NNT: variants seen among roughly 807,000 people sequenced by gnomAD.
The protein encoded by NNT is nicotinamide nucleotide transhydrogenase.
NNT carries 50 observed loss-of-function variants against 104.8 expected under a neutral mutation model. That is an observed-to-expected ratio of 0.48 (90% CI 0.38 to 0.60). NNT has a LOEUF of 0.60. Ranked by LOEUF, NNT falls within the 20% of genes least tolerant of loss-of-function variation. The pLI is 0.00. For missense variants in NNT, 1,131 were observed against 1,330.7 expected (o/e 0.85, Z 2.33); for synonymous variants, 461 against 490.4 (o/e 0.94, Z 0.79).
At chr5:43,695,736 C>G (rs1742523823) in intron 19 of NNT, among the ~76,000 whole-genome samples, 1 of 152,174 alleles carries the variant, frequency 6.6e-6, no homozygotes, top group Non-Finnish European at 1.5e-5. Flanking sequence ...AATGGACTTG[C>G]AGCTCCACAT....
Position 43,656,680 on chromosome 5 carries a change from T to C in NNT, c.2321T>C (p.Leu774Pro). 6.2e-7 allele frequency: 1 copy of C among 1,613,622 alleles called. No homozygotes were observed. The highest frequency in any genetic ancestry group is 8.5e-7 in the Non-Finnish European group (1 of 1,179,890). ...CTCCTGAAATCTGCCCCTCTCCTACTGCCTGGAAGGCACTTACTCAATGCA... is the reference window on the plus strand; with the variant it reads ...CTCCTGAAATCTGCCCCTCTCCTACCGCCTGGAAGGCACTTACTCAATGCA... Reference protein sequence around the residue: ...QGLLKSAPLLLPGRHLLNAGL... With the variant: ...QGLLKSAPLLPPGRHLLNAGL... Residue 774 changes from leucine to proline, a missense_variant, in exon 16 of 22, where the codon CTG (leucine) becomes CCG (proline). Coordinates refer to ENST00000344920, the MANE Select transcript of NNT (RefSeq NM_182977.3).
intron 19 of NNT, among the ~76,000 whole-genome samples, chr5:43,693,278 A>G (rs1309577811): frequency 6.6e-6 from 1 of 152,194 alleles, no homozygotes; most frequent in African/African-American, 2.4e-5. Context: ...TTTCAATATA[A>G]TGCATTTTCT....
At chr5:43,645,647 CTATCTA>C (rs1266352064) in intron 10 of NNT, 137 bp downstream of exon 10, 123 of 117,072 alleles carry the variant, frequency 1.1e-3, no homozygotes, top group African/African-American at 4.8e-3. Context: ...ACACATCTAT[CTATCTA>C]TCTCTCTCTC....
intron 7 of NNT, among the ~76,000 whole-genome samples, chr5:43,641,963 A>G (rs1290590074): frequency 2.0e-5 from 3 of 152,198 alleles, no homozygotes; most frequent in Non-Finnish European, 2.9e-5. Context: ...TGATGTTTCT[A>G]GGGAGCCTAA....
At chr5:43,610,175 C>G (rs1036295380) in intron 2 of NNT, among the ~76,000 whole-genome samples, 7 of 150,172 alleles carry the variant, frequency 4.7e-5, no homozygotes, top group Non-Finnish European at 7.4e-5. Context: ...AAAAAGGGGC[C>G]CTTCTAAACC....
chr5:43,643,403 T>G (rs940473015), intron 7 of NNT, among the ~76,000 whole-genome samples: 5 of 152,234 alleles, frequency 3.3e-5, no homozygotes, highest in African/African-American at 1.2e-4. Flanking sequence ...TATGTAAGAA[T>G]TAGTGAACTT....
intron 7 of NNT, among the ~76,000 whole-genome samples, chr5:43,631,505 A>G (rs1350865492): frequency 6.6e-6 from 1 of 152,162 alleles, no homozygotes; most frequent in East Asian, 1.9e-4. Flanking sequence ...ATTAGATGTA[A>G]CAAGTGGCCA....
chr5:43,692,184 A>T (rs938020085), intron 19 of NNT, among the ~76,000 whole-genome samples: 3 of 147,856 alleles, frequency 2.0e-5, no homozygotes, highest in African/African-American at 5.3e-5. Flanking sequence ...TAAAGCATTA[A>T]AAGTTTTAAT....
chr5:43,651,197 G>T (rs1451711647), intron 12 of NNT, among the ~76,000 whole-genome samples: 2 of 151,810 alleles, frequency 1.3e-5, no homozygotes, highest in African/African-American at 2.4e-5. Flanking sequence ...AAATAGTTTT[G>T]CATTCTGATA....
chr5:43,664,349 T>G (rs1354934820), intron 17 of NNT, among the ~76,000 whole-genome samples: 1 of 152,254 alleles, frequency 6.6e-6, no homozygotes, highest in African/African-American at 2.4e-5. Context: ...TTTTGCACTT[T>G]GCTGCTTGGT....
At chr5:43,697,038 C>CT (rs1742593521) in intron 19 of NNT, among the ~76,000 whole-genome samples, 1 of 152,216 alleles carries the variant, frequency 6.6e-6, no homozygotes, top group South Asian at 2.1e-4. Context: ...ATGTAAGTTT[C>CT]TGTAGCTGGC....
intron 19 of NNT, among the ~76,000 whole-genome samples, chr5:43,682,579 AT>A (rs1378561148): frequency 3.9e-5 from 6 of 152,196 alleles, no homozygotes; most frequent in African/African-American, 9.6e-5. Context: ...TGGATTTGTT[AT>A]GTTTTTGGGT....
At chr5:43,630,244 C>G (rs1750608137) in intron 7 of NNT, among the ~76,000 whole-genome samples, 1 of 152,112 alleles carries the variant, frequency 6.6e-6, no homozygotes. Context: ...ATATTATATT[C>G]ATAAGCAGGT....
chr5:43,653,582 A>AG (rs1374135679), intron 14 of NNT: 3 of 139,684 alleles, frequency 2.1e-5, no homozygotes. Flanking sequence ...TTAAAAATGA[A>AG]AAAAAAAAAA....
intron 17 of NNT, among the ~76,000 whole-genome samples, chr5:43,663,547 CCTTCTTTATG>C (rs1740481276): frequency 6.6e-6 from 1 of 152,146 alleles, no homozygotes; most frequent in Non-Finnish European, 1.5e-5. Context: ...CGTTGATAAA[CCTTCTTTATG>C]CTTCTTTATT....
intron 19 of NNT, among the ~76,000 whole-genome samples, chr5:43,690,575 T>A (rs937295731): frequency 1.3e-5 from 2 of 152,218 alleles, no homozygotes; most frequent in African/African-American, 4.8e-5. Flanking sequence ...CAGTTAGTAC[T>A]GTAGGATTGA....
chr5:43,655,923 G>A lies in NNT; in HGVS notation c.2143G>A (p.Val715Ile). The change falls in exon 15 of 22, where the codon GTA becomes ATA. Residue 715 changes from valine to isoleucine, a missense_variant. By Grantham distance (29) the Val-to-Ile change is conservative. Transcript: ENST00000344920. ...AFHSLVGLAA[V>I]LTCIAEYIIE... is the part of the protein sequence containing the mutation. Reference sequence around the variant, plus strand: ...TCACAGTTTAGTGGGTTTGGCAGCTGTACTTACTTGCATAGCTGAGTACAT... The same window carrying A: ...TCACAGTTTAGTGGGTTTGGCAGCTATACTTACTTGCATAGCTGAGTACAT... The A allele has an allele frequency of 1.2e-6, 2 of 1,614,126 alleles. No individual in the cohort carries two copies. Among genetic ancestry groups the A allele is most frequent in the South Asian group, 2.2e-5 (2 of 91,074 alleles).
rs781478570 is a variant in NNT, at chr5:43,609,200, C to T, written c.5C>T (p.Ala2Val). The change falls in exon 2 of 22, where the codon GCA becomes GTA. Residue 2 changes from alanine to valine, a missense_variant. Physicochemically the swap from Ala to Val is moderately conservative, Grantham distance 64. Transcript: ENST00000344920. M[A>V]NLLKTVVTGC... is the part of the protein sequence containing the mutation. ...AAATTGGGAACTCATATCAACATGG[C>T]AAACCTATTGAAAACAGTGGTGACT... 6.2e-7 allele frequency: 1 copy of T among 1,612,580 alleles called. No individual in the cohort carries two copies. The highest frequency in any genetic ancestry group is 1.3e-5 in the African/African-American group (1 of 74,848).
intron 8 of NNT, 83 bp from the exon 9 acceptor site, chr5:43,644,528 C>T: frequency 8.0e-7 from 1 of 1,255,110 alleles, no homozygotes; most frequent in Non-Finnish European, 1.1e-6. Flanking sequence ...CAAAACTTAG[C>T]ATTGAATATG....
Sources: gnomAD v4.1 joint callset for allele counts (sites outside exome capture counted in the v4.1 genomes callset) on GRCh38, gnomAD v4.1.1 for gene constraint, MANE v1.5 for transcripts, NCBI Gene and HGNC (gene_info 2026-07-23, HGNC 2026-07-21) for gene names.